The following PDGFC variants were observed in gnomAD, a reference collection of about 807,000 sequenced individuals.
PDGFC encodes the protein platelet-derived growth factor C.
In PDGFC, 12 loss-of-function variants were observed where a neutral mutation model predicts 35.5. The observed-to-expected ratio is 0.34, with a 90% CI of 0.22 to 0.55. The LOEUF is 0.55. Among genes scored for constraint, PDGFC ranks in the 20% least tolerant of loss-of-function variants. PDGFC has a pLI of 0.91. For missense variants in PDGFC, 322 were observed against 412.4 expected, an observed-to-expected ratio of 0.78 and a Z score of 1.90; for synonymous variants, 159 against 148.8, an observed-to-expected ratio of 1.07 and a Z score of -0.50.
At chr4:156,830,302 G>GAC (rs1728896333) in intron 2 of PDGFC, among the ~76,000 whole-genome samples, 1 of 149,796 alleles carries the variant, frequency 6.7e-6, no homozygotes. Context: ...GTGACACTAT[G>GAC]GCACTAGCAT....
At chr4:156,876,577 G>T (rs1004757874) in intron 1 of PDGFC, 1 of 152,222 alleles carries the variant, frequency 6.6e-6, no homozygotes, top group African/African-American at 2.4e-5. Context: ...GCATGAAAAT[G>T]AAAAAGTTTG....
At chr4:156,839,300 C>T (rs1729142401) in intron 2 of PDGFC, among the ~76,000 whole-genome samples, 1 of 152,206 alleles carries the variant, frequency 6.6e-6, no homozygotes, top group Non-Finnish European at 1.5e-5. Context: ...GGCAGTTACC[C>T]TCATGCTGTT....
chr4:156,909,344 A>T (rs1730988136), intron 1 of PDGFC, among the ~76,000 whole-genome samples: 2 of 152,330 alleles, frequency 1.3e-5, no homozygotes, highest in African/African-American at 2.4e-5. Context: ...CCACAAGTTC[A>T]TCTACCTAAA....
At chr4:156,866,943 T>A (rs1380167031) in intron 1 of PDGFC, among the ~76,000 whole-genome samples, 1 of 152,148 alleles carries the variant, frequency 6.6e-6, no homozygotes, top group East Asian at 1.9e-4. Flanking sequence ...GGAATCATCA[T>A]CACGTCTGTA....
intron 1 of PDGFC, among the ~76,000 whole-genome samples, chr4:156,854,121 A>G (rs1267483554): frequency 6.6e-6 from 1 of 152,196 alleles, no homozygotes; most frequent in Non-Finnish European, 1.5e-5. Flanking sequence ...TACTTATAGT[A>G]ATTTATAAAA....
At chr4:156,911,121 C>A (rs952918793) in intron 1 of PDGFC, among the ~76,000 whole-genome samples, 2 of 151,964 alleles carry the variant, frequency 1.3e-5, no homozygotes, top group Non-Finnish European at 2.9e-5. Flanking sequence ...TTTGCCTAAC[C>A]CTAGATATTT....
chr4:156,905,900 AT>A (rs1730904389), intron 1 of PDGFC, among the ~76,000 whole-genome samples: 1 of 152,076 alleles, frequency 6.6e-6, no homozygotes, highest in Non-Finnish European at 1.5e-5. Context: ...TATACTGTAG[AT>A]ACATCACCTC....
chr4:156,767,098 T>A (rs932068011), intron 5 of PDGFC, among the ~76,000 whole-genome samples: 9 of 152,062 alleles, frequency 5.9e-5, no homozygotes, highest in Admixed American at 1.3e-4. Flanking sequence ...TGATGCTGTA[T>A]GATGCTGCTG....
At chr4:156,801,608 A>C (rs964506798) in intron 3 of PDGFC, among the ~76,000 whole-genome samples, 1 of 152,224 alleles carries the variant, frequency 6.6e-6, no homozygotes, top group Admixed American at 6.5e-5. Flanking sequence ...CACTTGGCAC[A>C]TACTATGTCC....
chr4:156,786,094 T>C (rs978592134), intron 3 of PDGFC, among the ~76,000 whole-genome samples: 2 of 152,166 alleles, frequency 1.3e-5, no homozygotes, highest in African/African-American at 4.8e-5. Flanking sequence ...ACCACACTAA[T>C]AGGCTCTTGA....
chr4:156,846,487 A>G (rs949091889), intron 2 of PDGFC, among the ~76,000 whole-genome samples: 7 of 151,778 alleles, frequency 4.6e-5, no homozygotes, highest in Admixed American at 3.3e-4. Flanking sequence ...TTCCTGACCA[A>G]TGTCATGAAA....
At chr4:156,926,414 G>A (rs1046977138) in intron 1 of PDGFC, among the ~76,000 whole-genome samples, 6 of 152,132 alleles carry the variant, frequency 3.9e-5, no homozygotes, top group African/African-American at 1.4e-4. Flanking sequence ...AGGGTCCCTG[G>A]CAAGGGCTCC....
At chr4:156,927,922 A>C (rs573973238) in intron 1 of PDGFC, among the ~76,000 whole-genome samples, 1 of 152,308 alleles carries the variant, frequency 6.6e-6, no homozygotes, top group South Asian at 2.1e-4. Flanking sequence ...ACTGGGAAGA[A>C]AAAGAGGTTT....
Position 156,971,105 on chromosome 4 carries a change from G to T in PDGFC, c.-202C>A, listed in dbSNP as rs980026595. On this transcript the variant is annotated 5_prime_UTR_variant, in exon 1 of 6. Transcript: ENST00000502773. ...GCCCTCTTCTGTGTCTCCAGTTTTT[G>T]AAAAGGATCAAAGCAAAACCTGGAC... The T allele has an allele frequency of 5.2e-5, 28 of 534,848 alleles. 1 individual carries two copies. In the East Asian group the frequency reaches 7.6e-4, roughly 14 times the overall value. The allele number at this position is 534,848 out of a possible 1,614,324, so 33.1% of individuals were successfully genotyped here.
chr4:156,958,263 C>T (rs558889946), intron 1 of PDGFC, among the ~76,000 whole-genome samples: 4 of 151,580 alleles, frequency 2.6e-5, no homozygotes, highest in African/African-American at 9.7e-5. Flanking sequence ...CACAGAAAAT[C>T]CAGTTTAAAT....
chr4:156,918,203 A>G (rs977802099), intron 1 of PDGFC, among the ~76,000 whole-genome samples: 4 of 152,230 alleles, frequency 2.6e-5, no homozygotes, highest in African/African-American at 7.2e-5. Context: ...TTTAAAAATA[A>G]CTATTCCTTT....
chr4:156,824,285 C>A, intron 2 of PDGFC, among the ~76,000 whole-genome samples: 3 of 92,866 alleles, frequency 3.2e-5, no homozygotes, highest in East Asian at 6.9e-4. Flanking sequence ...ACAATGTAAG[C>A]ATATATATAT....
intron 2 of PDGFC, among the ~76,000 whole-genome samples, chr4:156,822,622 G>T (rs1732299786): frequency 6.6e-6 from 1 of 152,032 alleles, no homozygotes. Context: ...TTCAAACACA[G>T]CCCCATCTGG....
chr4:156,919,079 C>A (rs114712951), intron 1 of PDGFC, among the ~76,000 whole-genome samples: 2 of 152,034 alleles, frequency 1.3e-5, no homozygotes, highest in African/African-American at 4.8e-5. Context: ...TACTTCTTTC[C>A]GAATACATAT....
Sources: gnomAD v4.1 joint callset for allele counts (sites outside exome capture counted in the v4.1 genomes callset) on GRCh38, gnomAD v4.1.1 for gene constraint, MANE v1.5 for transcripts, NCBI Gene and HGNC (gene_info 2026-07-23, HGNC 2026-07-21) for gene names.